FRY: variants seen among roughly 807,000 people sequenced by gnomAD.
FRY encodes FRY microtubule binding protein.
In FRY, 128 loss-of-function variants were observed where a neutral mutation model predicts 348.4. The observed-to-expected ratio is 0.37, with a 90% CI of 0.32 to 0.43. The LOEUF is 0.43. Ranked by LOEUF, FRY falls within the 20% of genes least tolerant of loss-of-function variation. The pLI, the probability that FRY is intolerant of heterozygous loss-of-function variation, is 1.00. For missense variants in FRY, 2,736 were observed against 3,695.2 expected (o/e 0.74, Z 6.73); for synonymous variants, 1,370 against 1,374.7 (o/e 1.00, Z 0.08).
chr13:32,114,586 C>T (rs941785719), intron 3 of FRY, among the ~76,000 whole-genome samples: 3 of 152,074 alleles, frequency 2.0e-5, no homozygotes, highest in African/African-American at 4.8e-5. Flanking sequence ...TCCTTAGATT[C>T]GGCAGATTTA....
At chr13:32,216,861 G>A (rs7338289) in intron 35 of FRY, among the ~76,000 whole-genome samples, 20,467 of 152,238 alleles carry the variant, frequency 0.13, 1,499 homozygotes, top group African/African-American at 0.19. Flanking sequence ...AGTGAAGAAG[G>A]TTTGAGGTAT....
chr13:32,176,425 A>G (rs1293794974), intron 20 of FRY, among the ~76,000 whole-genome samples: 3 of 152,210 alleles, frequency 2.0e-5, no homozygotes, highest in African/African-American at 4.8e-5. Flanking sequence ...TTATAAATGT[A>G]TACAAAACCT....
intron 55 of FRY, among the ~76,000 whole-genome samples, chr13:32,269,687 A>G (rs918864652): frequency 1.8e-5 from 1 of 55,626 alleles, no homozygotes; most frequent in African/African-American, 6.6e-5. Flanking sequence ...GTGAGACTCC[A>G]TCTCCATTTT....
At chr13:32,134,653 C>G (rs1296677972) in intron 8 of FRY, among the ~76,000 whole-genome samples, 2 of 152,178 alleles carry the variant, frequency 1.3e-5, no homozygotes, top group Non-Finnish European at 2.9e-5. Context: ...GTTAGAGATG[C>G]TTTGTCCTTT....
rs1884657122 is a variant in FRY, at chr13:32,211,054, A to G, written c.4591+20A>G. The G allele has an allele frequency of 1.2e-6, 2 of 1,610,726 alleles. No homozygotes were observed. Among genetic ancestry groups the G allele is most frequent in the South Asian group, 2.2e-5 (2 of 91,016 alleles). Reference sequence around the variant, plus strand: ...CCTCAGGTAAGAAGAGCAACCGGGCAGACACCTGGTCACAGATCCCTGGGG... The same window carrying G: ...CCTCAGGTAAGAAGAGCAACCGGGCGGACACCTGGTCACAGATCCCTGGGG... On this transcript the variant is annotated intron_variant, in intron 34 of 60. Transcript: ENST00000542859.
At chr13:32,209,137 T>G in intron 32 of FRY, 28 bp downstream of exon 32, 1 of 1,613,452 alleles carries the variant, frequency 6.2e-7, no homozygotes, top group Non-Finnish European at 8.5e-7. Flanking sequence ...GTGCTTCAAA[T>G]AGCATGGCTC....
chr13:32,287,248 TCA>T lies in FRY; in HGVS notation c.8470-2381_8470-2380del, dbSNP rs768589085. On this transcript the variant is annotated intron_variant, in intron 58 of 60. Coordinates refer to ENST00000542859, the MANE Select transcript of FRY (RefSeq NM_023037.3). ...ATGCAAGAAAATTACCTGTCATATC[TCA>T]CACTTGTTTGAGGGCATACAATGTT... 3.3e-4 allele frequency among the ~76,000 whole-genome samples: 51 copies of T among 152,258 alleles called. 1 individual carries two copies. The highest frequency in any genetic ancestry group is 6.2e-4 in the Non-Finnish European group (42 of 68,022).
Position 32,254,331 on chromosome 13 carries a change from C to T in FRY, c.7353C>T (p.Ser2451=), listed in dbSNP as rs199920952. 4.7e-5 allele frequency: 76 copies of T among 1,613,866 alleles called. No homozygotes were observed. Among genetic ancestry groups the T allele is most frequent in the Non-Finnish European group, 6.0e-5 (71 of 1,179,946 alleles). Residue 2451 remains serine, a synonymous_variant, in exon 51 of 61, where the codon AGC becomes AGT. Coordinates refer to ENST00000542859, the MANE Select transcript of FRY (RefSeq NM_023037.3). ...AGGAGAACATGGATGACACAAACAG[C>T]GAGCAGCAGTTTAGAGTCTTCAGAG... The part of the protein sequence containing the change: ...REQENMDDTN[S]EQQFRVFRDF...
chr13:32,165,532 C>T (rs1339720829), intron 17 of FRY, among the ~76,000 whole-genome samples: 1 of 152,204 alleles, frequency 6.6e-6, no homozygotes, highest in Non-Finnish European at 1.5e-5. Flanking sequence ...GTCCACCTCT[C>T]TCAAGCTCCT....
chr13:32,117,907 G>A (rs978245272), intron 4 of FRY, among the ~76,000 whole-genome samples: 6 of 152,230 alleles, frequency 3.9e-5, no homozygotes, highest in South Asian at 2.1e-4. Context: ...TAGTCCTGGC[G>A]CTGCCACTAT....
chr13:32,294,223 G>A, intron 59 of FRY, 145 bp from the exon 60 acceptor site: 1 of 659,110 alleles, frequency 1.5e-6, no homozygotes, highest in South Asian at 1.8e-5. Flanking sequence ...ATACCATGGA[G>A]TACAATGTCA....
intron 3 of FRY, among the ~76,000 whole-genome samples, chr13:32,105,880 C>T (rs1444145551): frequency 6.6e-6 from 1 of 151,784 alleles, no homozygotes; most frequent in Non-Finnish European, 1.5e-5. Flanking sequence ...CCTGAATGGC[C>T]CTTTTTACTC....
At chr13:32,260,876 A>T (rs1887601178) in intron 51 of FRY, among the ~76,000 whole-genome samples, 1 of 152,202 alleles carries the variant, frequency 6.6e-6, no homozygotes, top group African/African-American at 2.4e-5. Flanking sequence ...CACGCCTGTA[A>T]TCCCAGCACT....
At position 32,209,718 on chromosome 13, in the gene FRY, T is replaced by C. The variant is rs947256961; in HGVS notation, c.4409T>C (p.Val1470Ala). Reference protein sequence around the residue: ...ISLCGVSSDTVLLPYIKKVAI... With the variant: ...ISLCGVSSDTALLPYIKKVAI... The stretch of plus-strand genomic sequence containing the variant: ...CTCTGTGGGGTCAGCAGCGACACAG[T>C]TCTCCTACCCTATGTAAGTGTCTCT... Residue 1470 changes from valine (V) to alanine (A), a missense_variant, in exon 33 of 61, where the codon GTT (valine) becomes GCT (alanine). Transcript: ENST00000542859. The C allele has an allele frequency of 1.2e-6, 2 of 1,614,124 alleles. No homozygotes were observed. Among genetic ancestry groups the C allele is most frequent in the Non-Finnish European group, 1.7e-6 (2 of 1,179,994 alleles).
intron 1 of FRY, among the ~76,000 whole-genome samples, chr13:32,075,618 G>A (rs576646568): frequency 2.6e-5 from 4 of 152,242 alleles, no homozygotes; most frequent in South Asian, 2.1e-4. Context: ...TTTGACTACC[G>A]GGGAACATGA....
At chr13:32,109,086 A>T (rs1877771815) in intron 3 of FRY, among the ~76,000 whole-genome samples, 1 of 152,204 alleles carries the variant, frequency 6.6e-6, no homozygotes, top group Non-Finnish European at 1.5e-5. Flanking sequence ...TTCTAAGCTA[A>T]AGGGGCCTAA....
In FRY at chr13:32,187,599, C is replaced by G. The variant is rs780703445; in HGVS notation, c.3534C>G (p.Ser1178=). The change falls in exon 28 of 61, where the codon TCC becomes TCG. Residue 1178 remains serine, a synonymous_variant. Transcript: ENST00000542859. ...CGPVFDNVGL[S]PDGYLYKWLD... is the part of the protein sequence containing the mutation. ...CTGTCTTTGACAATGTGGGCCTTTC[C>G]CCAGATGGCTACCTATATAAATGGC... The G allele has an allele frequency of 3.0e-5, 48 of 1,612,756 alleles. No individual in the cohort carries two copies. Among genetic ancestry groups the G allele is most frequent in the Non-Finnish European group, 4.0e-5 (47 of 1,178,956 alleles).
intron 52 of FRY, 34 bp from the exon 53 acceptor site, chr13:32,262,280 A>G (rs772497229): frequency 1.9e-6 from 3 of 1,572,346 alleles, no homozygotes; most frequent in Non-Finnish European, 2.6e-6. Flanking sequence ...TGGGAACTTC[A>G]TACTATGTTT....
At chr13:32,104,725 TG>T (rs1262948334) in intron 3 of FRY, among the ~76,000 whole-genome samples, 1 of 152,206 alleles carries the variant, frequency 6.6e-6, no homozygotes, top group African/African-American at 2.4e-5. Flanking sequence ...CCACATGTCA[TG>T]GGAGGGACCC....
Sources: gnomAD v4.1 joint callset for allele counts (sites outside exome capture counted in the v4.1 genomes callset) on GRCh38, gnomAD v4.1.1 for gene constraint, MANE v1.5 for transcripts, NCBI Gene and HGNC (gene_info 2026-07-23, HGNC 2026-07-21) for gene names.